Variants in MLIP observed in about 807,000 individuals in gnomAD.
The protein encoded by MLIP is muscular LMNA-interacting protein.
Under a neutral mutation model 84.8 loss-of-function variants are expected in MLIP, and 79 were observed. That is an observed-to-expected ratio of 0.93 (90% CI 0.78 to 1.12). The LOEUF (loss-of-function observed/expected upper bound fraction) is 1.12, where lower values mean the gene tolerates loss of function less well. Among genes scored for constraint, MLIP ranks in the 50% most tolerant of loss-of-function variants. The probability of loss-of-function intolerance (pLI) is 0.00; values close to 1 mark genes in which losing one functional copy is unlikely to be tolerated. For synonymous variants in MLIP, 504 were observed against 463.0 expected, an observed-to-expected ratio of 1.09 and a Z score of -1.14; for missense variants, 1,257 against 1,160.6, an observed-to-expected ratio of 1.08 and a Z score of -1.21.
At chr6:54,081,091 G>C (rs2150357304) in intron 1 of MLIP, among the ~76,000 whole-genome samples, 1 of 152,110 alleles carries the variant, frequency 6.6e-6, no homozygotes, top group East Asian at 1.9e-4. Flanking sequence ...GTATTTTTCA[G>C]ATCAGCTTTC....
chr6:54,137,383 C>A lies in MLIP; in HGVS notation c.1314C>A (p.Thr438=). Reference sequence around the variant, plus strand: ...CCTTTTCCCCTGCATCCTGTCCCACCTTCTCTCTCAACTCCCCGGCCTCTT... The same window carrying A: ...CCTTTTCCCCTGCATCCTGTCCCACATTCTCTCTCAACTCCCCGGCCTCTT... ...QRPFSPASCP[T]FSLNSPASST... The change falls in exon 4 of 14, where the codon ACC becomes ACA. Residue 438 remains threonine, a synonymous_variant. Transcript: ENST00000502396. 6.5e-7 allele frequency: 1 copy of A among 1,536,154 alleles called. No individual in the cohort carries two copies. The highest frequency in any genetic ancestry group is 8.7e-7 in the Non-Finnish European group (1 of 1,146,900).
chr6:54,042,167 A>G (rs1178024607), intron 1 of MLIP, among the ~76,000 whole-genome samples: 3 of 152,140 alleles, frequency 2.0e-5, no homozygotes, highest in African/African-American at 7.2e-5. Flanking sequence ...CCAACAGCCT[A>G]TGCAATTTTT....
chr6:54,164,688 C>T lies in MLIP; in HGVS notation c.2499+3889C>T, dbSNP rs527704575. 9.9e-4 allele frequency among the ~76,000 whole-genome samples: 150 copies of T among 152,006 alleles called. 1 individual carries two copies. Among genetic ancestry groups the T allele is most frequent in the Non-Finnish European group, 1.8e-3 (121 of 67,886 alleles). ...ATGTGTTCTTATGCTTTTGCCTTTT[C>T]AAGAATATCATATAAATGTAATTAT... On this transcript the variant is annotated intron_variant, in intron 8 of 13. Transcript: ENST00000502396.
At chr6:54,223,174 A>G (rs6934602) in intron 11 of MLIP, among the ~76,000 whole-genome samples, 17,498 of 151,426 alleles carry the variant, frequency 0.12, 1,318 homozygotes, top group East Asian at 0.21. Context: ...TTTTCTTCCT[A>G]TATACTGTAG....
chr6:54,093,485 C>T (rs1293837124), intron 1 of MLIP, among the ~76,000 whole-genome samples: 1 of 152,064 alleles, frequency 6.6e-6, no homozygotes, highest in African/African-American at 2.4e-5. Context: ...AGGCTAGCAG[C>T]TGTGTTTTAC....
intron 11 of MLIP, among the ~76,000 whole-genome samples, chr6:54,214,859 A>T (rs1779739694): frequency 6.6e-6 from 1 of 152,162 alleles, no homozygotes; most frequent in Admixed American, 6.5e-5. Flanking sequence ...CTGAGTAGTG[A>T]GTGCTGTGGT....
chr6:54,030,946 A>G (rs1172733808), intron 1 of MLIP, among the ~76,000 whole-genome samples: 5 of 152,204 alleles, frequency 3.3e-5, no homozygotes, highest in African/African-American at 4.8e-5. Context: ...TTACTAATCT[A>G]TGATAACATG....
chr6:54,201,339 G>C (rs114695864), intron 10 of MLIP, among the ~76,000 whole-genome samples: 6,779 of 152,234 alleles, frequency 0.045, 248 homozygotes, highest in South Asian at 0.12. Context: ...AGAACGTCAG[G>C]AAAGGAAATT....
chr6:54,144,623 C>A (rs1431599194), intron 4 of MLIP, among the ~76,000 whole-genome samples: 7 of 152,176 alleles, frequency 4.6e-5, no homozygotes, highest in African/African-American at 1.7e-4. Flanking sequence ...TGGTAGGAGG[C>A]AGAGCTTAGG....
chr6:54,099,515 A>AT (rs926323948), intron 1 of MLIP: 9 of 152,162 alleles, frequency 5.9e-5, no homozygotes, highest in African/African-American at 2.2e-4. Flanking sequence ...GGAAAAAAAA[A>AT]ATATATAGCT....
intron 12 of MLIP, among the ~76,000 whole-genome samples, chr6:54,253,900 C>G (rs1231180819): frequency 6.6e-6 from 1 of 152,056 alleles, no homozygotes; most frequent in Admixed American, 6.6e-5. Context: ...CGTGCTTTGT[C>G]TCAATTCTCT....
At chr6:54,076,777 G>C (rs953651120) in intron 1 of MLIP, among the ~76,000 whole-genome samples, 1 of 152,106 alleles carries the variant, frequency 6.6e-6, no homozygotes. Flanking sequence ...ATACATCAGC[G>C]GATCATGGGG....
chr6:54,100,167 T>C (rs908329858), intron 1 of MLIP, among the ~76,000 whole-genome samples: 10 of 152,146 alleles, frequency 6.6e-5, no homozygotes, highest in African/African-American at 2.4e-4. Flanking sequence ...GTCCCATGTA[T>C]AATTTTATTT....
At chr6:54,166,513 C>T (rs1175008096) in intron 8 of MLIP, among the ~76,000 whole-genome samples, 4 of 151,860 alleles carry the variant, frequency 2.6e-5, no homozygotes, top group African/African-American at 9.7e-5. Context: ...CTCACACCCT[C>T]CTCTTTGATA....
intron 9 of MLIP, among the ~76,000 whole-genome samples, chr6:54,181,243 C>T (rs954378927): frequency 6.6e-6 from 1 of 152,282 alleles, no homozygotes; most frequent in East Asian, 1.9e-4. Flanking sequence ...TTCTGCTCTT[C>T]CCTCCCCTTT....
chr6:54,159,685 A>G (rs1275921951), intron 5 of MLIP, among the ~76,000 whole-genome samples: 2 of 152,072 alleles, frequency 1.3e-5, no homozygotes, highest in African/African-American at 4.8e-5. Context: ...TACAGAAACC[A>G]GAAAGTAGGG....
chr6:54,132,686 C>A (rs1387896050), intron 3 of MLIP, among the ~76,000 whole-genome samples: 1 of 152,036 alleles, frequency 6.6e-6, no homozygotes, highest in Non-Finnish European at 1.5e-5. Flanking sequence ...ACAAATCAAC[C>A]AACCAAAAAA....
chr6:54,025,055 C>T (rs9370255), intron 1 of MLIP, among the ~76,000 whole-genome samples: 15,497 of 149,388 alleles, frequency 0.1, 1,885 homozygotes, highest in East Asian at 0.69. Context: ...CACTCTGTTG[C>T]CCAGGCTAGT....
At chr6:54,020,843 C>G (rs967197127) in intron 1 of MLIP, among the ~76,000 whole-genome samples, 1 of 152,082 alleles carries the variant, frequency 6.6e-6, no homozygotes, top group African/African-American at 2.4e-5. Flanking sequence ...CAGAGGCATA[C>G]GAACATTCAC....
Sources: allele counts gnomAD v4.1 joint callset (sites outside exome capture counted in the v4.1 genomes callset), GRCh38; gene constraint gnomAD v4.1.1; transcripts MANE v1.5; gene names NCBI Gene and HGNC (gene_info 2026-07-23, HGNC 2026-07-21).